RAB30: variants seen among roughly 807,000 people sequenced by gnomAD.
The protein encoded by RAB30 is ras-related protein Rab-30.
Under a neutral mutation model 25.1 loss-of-function variants are expected in RAB30, and 9 were observed. The observed-to-expected ratio is 0.36, with a 90% CI of 0.22 to 0.63. The LOEUF (loss-of-function observed/expected upper bound fraction) is 0.63. RAB30 is among the 20% of genes least tolerant of loss of function. The pLI is 0.69. For synonymous variants in RAB30, 77 were observed against 86.4 expected, an observed-to-expected ratio of 0.89 and a Z score of 0.60; for missense variants, 140 against 243.5, an observed-to-expected ratio of 0.58 and a Z score of 2.83.
At chr11:83,044,740 G>C (rs937670826) in intron 1 of RAB30, among the ~76,000 whole-genome samples, 7 of 152,106 alleles carry the variant, frequency 4.6e-5, no homozygotes, top group Non-Finnish European at 8.8e-5. Context: ...AGGCATCATT[G>C]GGCTCAAAGC....
At chr11:83,067,713 C>A (rs149156636) in intron 1 of RAB30, among the ~76,000 whole-genome samples, 1 of 152,152 alleles carries the variant, frequency 6.6e-6, no homozygotes, top group African/African-American at 2.4e-5. Context: ...TAGTGTCGGC[C>A]GGGCATGGTG....
intron 1 of RAB30, among the ~76,000 whole-genome samples, chr11:83,009,603 C>A (rs1857260724): frequency 6.6e-6 from 1 of 150,530 alleles, no homozygotes; most frequent in South Asian, 2.1e-4. Context: ...CCAAAAACAC[C>A]AAAAATAAAT....
chr11:82,994,492 T>C (rs1245595323), intron 2 of RAB30, among the ~76,000 whole-genome samples: 1 of 152,054 alleles, frequency 6.6e-6, no homozygotes, highest in Non-Finnish European at 1.5e-5. Context: ...ACCACAGGGA[T>C]GAGATCAGAA....
chr11:83,067,867 T>G (rs1858741373), intron 1 of RAB30, among the ~76,000 whole-genome samples: 1 of 152,092 alleles, frequency 6.6e-6, no homozygotes, highest in South Asian at 2.1e-4. Context: ...GGCTCACGCC[T>G]GTAGTCCCAG....
chr11:83,040,227 A>G (rs1403314863), intron 1 of RAB30, among the ~76,000 whole-genome samples: 1 of 152,218 alleles, frequency 6.6e-6, no homozygotes, highest in Non-Finnish European at 1.5e-5. Context: ...AGATTTTGAC[A>G]AATGGACATG....
intron 1 of RAB30, among the ~76,000 whole-genome samples, chr11:83,001,069 A>AAAAAC (rs1857072733): frequency 6.6e-6 from 1 of 151,512 alleles, no homozygotes. Flanking sequence ...AAAAAAAAAA[A>AAAAAC]AGGCTTTGTC....
chr11:82,984,224 C>A (rs1296899211), intron 4 of RAB30, among the ~76,000 whole-genome samples: 1 of 152,090 alleles, frequency 6.6e-6, no homozygotes, highest in Non-Finnish European at 1.5e-5. Flanking sequence ...ATTATAAATA[C>A]CTAATGGAAA....
chr11:83,010,424 CAG>C (rs1857278558), intron 1 of RAB30, among the ~76,000 whole-genome samples: 2 of 152,200 alleles, frequency 1.3e-5, no homozygotes, highest in African/African-American at 2.4e-5. Flanking sequence ...GCACTCCAGA[CAG>C]AGTGAAATCC....
intron 1 of RAB30, among the ~76,000 whole-genome samples, chr11:83,066,595 G>C (rs1422604549): frequency 1.3e-5 from 2 of 152,212 alleles, no homozygotes; most frequent in Admixed American, 1.3e-4. Context: ...CTGTGGCCCA[G>C]AGTAGAGTGC....
At chr11:83,061,465 T>C (rs1858575680) in intron 1 of RAB30, among the ~76,000 whole-genome samples, 1 of 152,220 alleles carries the variant, frequency 6.6e-6, no homozygotes. Flanking sequence ...TGTTTCCATG[T>C]AATGGTATTG....
chr11:83,029,951 G>C (rs1857814547), intron 1 of RAB30, among the ~76,000 whole-genome samples: 1 of 152,168 alleles, frequency 6.6e-6, no homozygotes, highest in African/African-American at 2.4e-5. Flanking sequence ...TGGAAAACCA[G>C]ATACCTTGTT....
chr11:83,013,488 T>A (rs1672247876), intron 1 of RAB30, among the ~76,000 whole-genome samples: 1 of 152,188 alleles, frequency 6.6e-6, no homozygotes, highest in African/African-American at 2.4e-5. Context: ...TCGCCTGACA[T>A]TTCAGTAGAC....
At chr11:82,993,212 T>C (rs1225260494) in intron 3 of RAB30, among the ~76,000 whole-genome samples, 6 of 152,210 alleles carry the variant, frequency 3.9e-5, no homozygotes, top group Non-Finnish European at 8.8e-5. Context: ...TTTCTTCCCT[T>C]CTTCTTTCAT....
intron 3 of RAB30, among the ~76,000 whole-genome samples, chr11:82,989,280 A>T (rs1021764016): frequency 3.5e-4 from 53 of 152,286 alleles, no homozygotes; most frequent in African/African-American, 1.2e-3. Context: ...AAGACTAACT[A>T]AAATGTGCAT....
At chr11:83,017,520 A>C (rs1265377562) in intron 1 of RAB30, among the ~76,000 whole-genome samples, 1 of 151,994 alleles carries the variant, frequency 6.6e-6, no homozygotes, top group Non-Finnish European at 1.5e-5. Context: ...GTAGTCTTTT[A>C]TCCCTCAGCC....
intron 1 of RAB30, among the ~76,000 whole-genome samples, chr11:83,016,185 A>G (rs1250645462): frequency 1.3e-5 from 2 of 152,094 alleles, no homozygotes; most frequent in African/African-American, 4.8e-5. Context: ...GTGGCCTTAG[A>G]TTTGGCAACA....
intron 1 of RAB30, among the ~76,000 whole-genome samples, chr11:83,036,243 T>C (rs1271130410): frequency 6.6e-6 from 1 of 151,342 alleles, no homozygotes; most frequent in Non-Finnish European, 1.5e-5. Context: ...CTTGGCTCAC[T>C]GCAACCTCCA....
intron 1 of RAB30, among the ~76,000 whole-genome samples, chr11:83,069,815 A>G (rs1271929050): frequency 1.3e-5 from 2 of 152,192 alleles, no homozygotes; most frequent in Admixed American, 6.5e-5. Flanking sequence ...GGGCTAAATT[A>G]TGTCTGTCAC....
chr11:82,985,916 C>A (rs1856731518), intron 4 of RAB30, among the ~76,000 whole-genome samples: 1 of 151,936 alleles, frequency 6.6e-6, no homozygotes, highest in South Asian at 2.1e-4. Context: ...AACTGCTGGG[C>A]TCAAGCAATC....
Sources: allele counts gnomAD v4.1 joint callset (sites outside exome capture counted in the v4.1 genomes callset), GRCh38; gene constraint gnomAD v4.1.1; transcripts MANE v1.5; gene names NCBI Gene and HGNC (gene_info 2026-07-23, HGNC 2026-07-21).